SRBD1: variants seen among roughly 807,000 people sequenced by gnomAD.
SRBD1 encodes the protein S1 RNA binding domain 1.
In SRBD1, 88 loss-of-function variants were observed where a neutral mutation model predicts 115.3. The ratio of observed to expected loss-of-function variants is 0.76; its 90% CI spans 0.64 to 0.91. The LOEUF (loss-of-function observed/expected upper bound fraction) is 0.91, where lower values mean the gene tolerates loss of function less well. Ranked by LOEUF, SRBD1 falls within the 40% of genes least tolerant of loss-of-function variation. The pLI is 0.00. For synonymous variants in SRBD1, 509 were observed against 407.7 expected (o/e 1.25, Z -2.99); for missense variants, 1,385 against 1,177.4 (o/e 1.18, Z -2.58).
intron 12 of SRBD1, 73 bp from the exon 13 acceptor site, chr2:45,547,685 C>G: frequency 7.9e-7 from 1 of 1,261,560 alleles, no homozygotes; most frequent in Non-Finnish European, 1.1e-6. Context: ...TTTTGTTAAG[C>G]AAGTTGTAAC....
intron 16 of SRBD1, among the ~76,000 whole-genome samples, chr2:45,468,816 C>T (rs1669567880): frequency 6.6e-6 from 1 of 152,152 alleles, no homozygotes; most frequent in African/African-American, 2.4e-5. Flanking sequence ...TTCCAGTGCT[C>T]TCCAAAGTGG....
intron 16 of SRBD1, among the ~76,000 whole-genome samples, chr2:45,470,252 G>T (rs922557237): frequency 2.0e-5 from 3 of 151,956 alleles, no homozygotes; most frequent in Non-Finnish European, 4.4e-5. Context: ...TTTTTACATA[G>T]AATTGATTCC....
intron 14 of SRBD1, among the ~76,000 whole-genome samples, chr2:45,525,118 C>G (rs1671403061): frequency 6.6e-6 from 1 of 151,888 alleles, no homozygotes; most frequent in African/African-American, 2.4e-5. Flanking sequence ...CCTTACTTTA[C>G]ACCATGTACA....
At chr2:45,452,908 T>C (rs1420225503) in intron 16 of SRBD1, among the ~76,000 whole-genome samples, 1 of 152,010 alleles carries the variant, frequency 6.6e-6, no homozygotes. Flanking sequence ...TTCGTTAGAA[T>C]GTCTGAAGCT....
chr2:45,534,064 A>T (rs1289407001), intron 14 of SRBD1, among the ~76,000 whole-genome samples: 2 of 151,998 alleles, frequency 1.3e-5, no homozygotes, highest in African/African-American at 2.4e-5. Flanking sequence ...TGGACTTACG[A>T]ACACAAAAAC....
At chr2:45,391,995 C>G (rs542745543) in intron 20 of SRBD1, among the ~76,000 whole-genome samples, 4 of 152,140 alleles carry the variant, frequency 2.6e-5, no homozygotes, top group Non-Finnish European at 4.4e-5. Flanking sequence ...TAAAAGGATA[C>G]TGGGCCTCCA....
intron 1 of SRBD1, among the ~76,000 whole-genome samples, chr2:45,610,366 G>C (rs1674407045): frequency 6.6e-6 from 1 of 152,212 alleles, no homozygotes; most frequent in Non-Finnish European, 1.5e-5. Flanking sequence ...GACCAACAGA[G>C]TGCTTGAATG....
intron 14 of SRBD1, among the ~76,000 whole-genome samples, chr2:45,509,460 G>A (rs1476078105): frequency 1.3e-5 from 2 of 152,082 alleles, no homozygotes; most frequent in East Asian, 1.9e-4. Context: ...GCCGGGCGCG[G>A]TGGTGGGCGC....
At position 45,578,134 on chromosome 2, in the gene SRBD1, T is replaced by C. The variant is rs550711818; in HGVS notation, c.1072+1741A>G. Among the ~76,000 whole-genome samples the C allele has an allele frequency of 1.5e-4, 23 of 152,142 alleles. No homozygotes were observed. In the South Asian group the frequency reaches 4.2e-3, roughly 27 times the overall value. ...CCTTGGTACCAAAGGTAGTGAGAAG[T>C]AGAAGGAAAGAAAATCAACCACAAG... On this transcript the variant is annotated intron_variant, in intron 7 of 20. Coordinates refer to ENST00000263736, the MANE Select transcript of SRBD1 (RefSeq NM_018079.5).
chr2:45,492,104 A>T (rs1670313958), intron 14 of SRBD1, among the ~76,000 whole-genome samples: 1 of 152,136 alleles, frequency 6.6e-6, no homozygotes, highest in South Asian at 2.1e-4. Flanking sequence ...CACAGGCGTG[A>T]GCCACTACGC....
intron 16 of SRBD1, among the ~76,000 whole-genome samples, chr2:45,465,414 A>G (rs115097218): frequency 6.6e-6 from 1 of 151,850 alleles, no homozygotes; most frequent in African/African-American, 2.4e-5. Flanking sequence ...ATATGTGTGT[A>G]TATATATATA....
chr2:45,501,847 G>C (rs1199993188), intron 14 of SRBD1, among the ~76,000 whole-genome samples: 1 of 152,212 alleles, frequency 6.6e-6, no homozygotes, highest in African/African-American at 2.4e-5. Flanking sequence ...TGCCTCTGTA[G>C]ACTCCACCTC....
intron 10 of SRBD1, among the ~76,000 whole-genome samples, chr2:45,554,111 T>TGG (rs931655777): frequency 1.8e-4 from 27 of 152,266 alleles, no homozygotes; most frequent in African/African-American, 6.5e-4. Flanking sequence ...ATGGGGCTTT[T>TGG]GGGGGATAAT....
chr2:45,394,538 T>C (rs1230413002), intron 19 of SRBD1, among the ~76,000 whole-genome samples: 1 of 152,202 alleles, frequency 6.6e-6, no homozygotes, highest in African/African-American at 2.4e-5. Context: ...ATAATCAGAA[T>C]GGGGATATAT....
chr2:45,579,377 A>G (rs1366847790), intron 7 of SRBD1, among the ~76,000 whole-genome samples: 2 of 152,218 alleles, frequency 1.3e-5, no homozygotes, highest in Non-Finnish European at 2.9e-5. Flanking sequence ...AAGAGTATTT[A>G]TGACTTTTGC....
intron 14 of SRBD1, among the ~76,000 whole-genome samples, chr2:45,541,289 G>C (rs1671926753): frequency 1.3e-5 from 2 of 152,246 alleles, no homozygotes; most frequent in African/African-American, 4.8e-5. Context: ...CCAGGAACCA[G>C]AGAGTCCCAA....
Position 45,488,241 on chromosome 2 carries a change from T to C in SRBD1, c.1965A>G (p.Ala655=), listed in dbSNP as rs759422893. 8.7e-6 allele frequency: 14 copies of C among 1,613,492 alleles called. No individual in the cohort carries two copies. The highest frequency in any genetic ancestry group is 4.0e-5 in the African/African-American group (3 of 75,040). ...TTGTGATGGTCCATAGTTTCTTACC[T>C]GCACTTCTCAAATTAGGGTCCAGCC... The part of the protein sequence containing the change: ...MPGLDPNLRS[A]VSIARRVQDP... Residue 655 remains alanine, a splice_region_variant and synonymous_variant, in exon 15 of 21, where the codon GCA becomes GCG. Transcript: ENST00000263736.
At chr2:45,509,520 C>A (rs1670899536) in intron 14 of SRBD1, among the ~76,000 whole-genome samples, 1 of 142,760 alleles carries the variant, frequency 7.0e-6, no homozygotes, top group Admixed American at 7.3e-5. Context: ...GGCGTGAACC[C>A]AGGAGGCGGA....
intron 14 of SRBD1, among the ~76,000 whole-genome samples, chr2:45,494,236 TA>T: frequency 6.6e-6 from 1 of 152,220 alleles, no homozygotes. Context: ...TAATAGTATT[TA>T]AACATGTATT....
Sources: gnomAD v4.1 joint callset for allele counts (sites outside exome capture counted in the v4.1 genomes callset) on GRCh38, gnomAD v4.1.1 for gene constraint, MANE v1.5 for transcripts, NCBI Gene and HGNC (gene_info 2026-07-23, HGNC 2026-07-21) for gene names.